Variants in LLGL2 observed in about 807,000 individuals in gnomAD.
LLGL2 encodes LLGL scribble cell polarity complex component 2.
In LLGL2, 81 loss-of-function variants were observed where a neutral mutation model predicts 123.2. The observed-to-expected ratio is 0.66, with a 90% confidence interval of 0.55 to 0.79. LLGL2 has a LOEUF of 0.79. Among genes scored for constraint, LLGL2 ranks in the 30% least tolerant of loss-of-function variants. The probability of loss-of-function intolerance (pLI) is 0.00; values close to 1 mark genes in which losing one functional copy is unlikely to be tolerated. For synonymous variants in LLGL2, 577 were observed against 594.1 expected (o/e 0.97, Z 0.42); for missense variants, 1,273 against 1,414.6 (o/e 0.90, Z 1.61).
intron 1 of LLGL2, among the ~76,000 whole-genome samples, chr17:75,536,889 G>A (rs1321682758): frequency 3.9e-5 from 6 of 151,936 alleles, no homozygotes; most frequent in African/African-American, 7.3e-5. Flanking sequence ...GTGCAGTGGC[G>A]CTATCTGGGC....
chr17:75,573,052 G>A lies in LLGL2; in HGVS notation c.2499G>A (p.Leu833=). Residue 833 remains leucine, a synonymous_variant, in exon 20 of 26, where the codon TTG becomes TTA. Coordinates refer to ENST00000392550, the MANE Select transcript of LLGL2 (RefSeq NM_001031803.2). ...TLPKVSAKLK[L]KLTALEGSRV... ...CCAAGGTGAGTGCCAAGCTGAAGTTGAAGCTGACGGCCCTGGAGGGCTCAA... is the reference window on the plus strand; with the variant it reads ...CCAAGGTGAGTGCCAAGCTGAAGTTAAAGCTGACGGCCCTGGAGGGCTCAA... The A allele has an allele frequency of 6.2e-7, 1 of 1,612,354 alleles. No homozygotes were observed. Among genetic ancestry groups the A allele is most frequent in the South Asian group, 1.1e-5 (1 of 91,052 alleles).
chr17:75,532,051 T>TAC (rs1470150170), intron 1 of LLGL2, among the ~76,000 whole-genome samples: 10 of 36,778 alleles, frequency 2.7e-4, no homozygotes, highest in African/African-American at 6.1e-4. Context: ...TATATATGTA[T>TAC]ATATACACAC....
chr17:75,545,256 G>T (rs2054374115), intron 2 of LLGL2, among the ~76,000 whole-genome samples: 1 of 152,104 alleles, frequency 6.6e-6, no homozygotes, highest in African/African-American at 2.4e-5. Context: ...CAGGCCTGGG[G>T]GTGGCAGAGG....
chr17:75,559,252 G>GGCT lies in LLGL2; in HGVS notation c.375_377dup (p.Ala126dup). On this transcript the variant is annotated inframe_insertion and splice_region_variant, in exon 6 of 26. Transcript: ENST00000392550. The surrounding 1 kb of genome is among the most constrained non-coding windows in gnomAD (Gnocchi z 4.6). ...TCACGGGCAGCTGTTCTTGTCACAG[G>GGCT]GCTGCCCCCAGTGCCACACAGATCA... The GGCT allele has an allele frequency of 6.3e-7, 1 of 1,599,372 alleles. No individual in the cohort carries two copies. Among genetic ancestry groups the GGCT allele is most frequent in the Non-Finnish European group, 8.5e-7 (1 of 1,173,390 alleles).
chr17:75,570,566 G>C (rs2055657596), intron 16 of LLGL2, 68 bp downstream of exon 16: 2 of 1,508,970 alleles, frequency 1.3e-6, no homozygotes, highest in East Asian at 4.9e-5. Context: ...CAGCAGGGGG[G>C]CCACACGGCC....
intron 2 of LLGL2, among the ~76,000 whole-genome samples, chr17:75,550,206 CCCTCTGT>C (rs1177719141): frequency 6.6e-6 from 1 of 152,234 alleles, no homozygotes; most frequent in Non-Finnish European, 1.5e-5. Context: ...CCCCGTCCCG[CCCTCTGT>C]CCTGAGTGCA....
At chr17:75,569,909 G>A (rs1043835351) in intron 14 of LLGL2, 54 bp from the exon 15 acceptor site, 42 of 1,525,668 alleles carry the variant, frequency 2.8e-5, no homozygotes, top group Admixed American at 1.0e-4. Flanking sequence ...AGCATCCTGC[G>A]GCCCTGCCGT....
intron 16 of LLGL2, 107 bp from the exon 17 acceptor site, chr17:75,570,843 G>A: frequency 2.1e-6 from 3 of 1,410,202 alleles, no homozygotes; most frequent in Non-Finnish European, 2.9e-6. Context: ...GCAGGTGGCT[G>A]GCATGGCTGT....
intron 10 of LLGL2, among the ~76,000 whole-genome samples, chr17:75,566,214 A>G (rs766811858): frequency 2.1e-4 from 32 of 152,226 alleles, no homozygotes; most frequent in Admixed American, 2.0e-4. Flanking sequence ...GGCCAGCGCC[A>G]GATCGTATAG....
intron 7 of LLGL2, 23 bp from the exon 8 acceptor site, chr17:75,563,308 G>A (rs1280276577): frequency 1.2e-6 from 2 of 1,611,226 alleles, no homozygotes; most frequent in Middle Eastern, 1.7e-4. Context: ...GCTGCCCTCT[G>A]TCCCTCTCCT....
Position 75,568,754 on chromosome 17 carries a change from C to A in LLGL2, c.1255-18C>A. 6.2e-6 allele frequency: 10 copies of A among 1,610,924 alleles called. No individual in the cohort carries two copies. The highest frequency in any genetic ancestry group is 8.5e-6 in the Non-Finnish European group (10 of 1,177,972). On this transcript the variant is annotated intron_variant, in intron 11 of 25. Transcript: ENST00000392550. ...GCAAGCCAAACTCTCCCATGGACTT[C>A]TTGGTCTCTTTTTCTAGGAGTGGCC...
Position 75,574,514 on chromosome 17 carries a change from C to T in LLGL2, c.2996+19C>T. Reference sequence around the variant, plus strand: ...ACCGCGGGTGAGGCACCGCCCAGGCCAGCTGGGGTGGGCCCGAGGCTCTGC... The same window carrying T: ...ACCGCGGGTGAGGCACCGCCCAGGCTAGCTGGGGTGGGCCCGAGGCTCTGC... On this transcript the variant is annotated intron_variant, in intron 24 of 25. Coordinates refer to ENST00000392550, the MANE Select transcript of LLGL2 (RefSeq NM_001031803.2). 6.4e-7 allele frequency: 1 copy of T among 1,569,510 alleles called. No homozygotes were observed. The highest frequency in any genetic ancestry group is 1.2e-5 in the South Asian group (1 of 86,106).
At position 75,559,542 on chromosome 17, in the gene LLGL2, C is replaced by T. The variant is rs2055103202; in HGVS notation, c.530+132C>T. 2 of 1,163,918 alleles carry T rather than the reference C, an allele frequency of 1.7e-6. No individual in the cohort carries two copies. The highest frequency in any genetic ancestry group is 5.7e-5 in the Admixed American group (2 of 35,308). 72.1% of individuals were successfully genotyped at this position (1,163,918 alleles called of 1,614,324 possible). A position where few individuals can be genotyped will look rare whatever the true frequency, so the allele number is the denominator to read the frequency against. Reference sequence around the variant, plus strand: ...TTCCATGGGGCTATAGCAGGGGAGGCTCTTGGCTTCCTACCTGTCACCTAC... The same window carrying T: ...TTCCATGGGGCTATAGCAGGGGAGGTTCTTGGCTTCCTACCTGTCACCTAC... On this transcript the variant is annotated intron_variant, in intron 6 of 25. Coordinates refer to ENST00000392550, the MANE Select transcript of LLGL2 (RefSeq NM_001031803.2). This position sits in a 1 kb window ranked among gnomAD's most constrained non-coding sequence, Gnocchi z 4.6.
chr17:75,573,471 C>G lies in LLGL2; in HGVS notation c.2726-10C>G. ...CAGGCCAGGCCGCTAGCATTGCCCCCACTCCCCAGGCTTCTACCTGATCTC... is the reference window on the plus strand; with the variant it reads ...CAGGCCAGGCCGCTAGCATTGCCCCGACTCCCCAGGCTTCTACCTGATCTC... On this transcript the variant is annotated splice_polypyrimidine_tract_variant and intron_variant, in intron 20 of 25. Coordinates refer to ENST00000392550, the MANE Select transcript of LLGL2 (RefSeq NM_001031803.2). The G allele has an allele frequency of 6.3e-7, 1 of 1,598,874 alleles. No individual in the cohort carries two copies. The highest frequency in any genetic ancestry group is 1.3e-5 in the African/African-American group (1 of 74,762).
chr17:75,551,033 G>A (rs1341865568), intron 2 of LLGL2, among the ~76,000 whole-genome samples: 1 of 152,124 alleles, frequency 6.6e-6, no homozygotes, highest in Non-Finnish European at 1.5e-5. Context: ...CTGCCTCTCT[G>A]CCCAGCCCGA....
chr17:75,565,219 C>A (rs2055393639), intron 10 of LLGL2, among the ~76,000 whole-genome samples: 1 of 152,218 alleles, frequency 6.6e-6, no homozygotes, highest in South Asian at 2.1e-4. Context: ...GCAGGACCGG[C>A]AGAGCCCTGA....
intron 6 of LLGL2, 114 bp from the exon 7 acceptor site, chr17:75,562,902 A>G (rs1339520340): frequency 9.2e-6 from 12 of 1,300,676 alleles, no homozygotes; most frequent in Admixed American, 2.1e-5. Context: ...CCATATTTCT[A>G]TGCTGGCACA....
chr17:75,556,268 A>G, intron 3 of LLGL2, 125 bp downstream of exon 3: 1 of 750,526 alleles, frequency 1.3e-6, no homozygotes, highest in Non-Finnish European at 2.2e-6. Flanking sequence ...CCTGATTTCC[A>G]GTTTTGGACA....
intron 1 of LLGL2, among the ~76,000 whole-genome samples, chr17:75,537,570 C>T (rs981783284): frequency 2.0e-5 from 3 of 152,190 alleles, no homozygotes; most frequent in African/African-American, 7.2e-5. Flanking sequence ...TGGTGGTGGA[C>T]ACCTGTAATT....
Sources: allele counts gnomAD v4.1 joint callset (sites outside exome capture counted in the v4.1 genomes callset), GRCh38; gene constraint gnomAD v4.1.1; non-coding constraint Gnocchi (gnomAD v3.1); transcripts MANE v1.5; gene names NCBI Gene and HGNC (gene_info 2026-07-23, HGNC 2026-07-21).